The following PRKN variants were observed in gnomAD, a reference collection of about 807,000 sequenced individuals.
The protein encoded by PRKN is parkin RBR E3 ubiquitin protein ligase.
Under a neutral mutation model 59.5 loss-of-function variants are expected in PRKN, and 56 were observed. That is an observed-to-expected ratio of 0.94 (90% confidence interval 0.76 to 1.18). PRKN has a LOEUF of 1.18. Among genes scored for constraint, PRKN ranks in the 50% most tolerant of loss-of-function variants. The pLI is 0.00. For synonymous variants in PRKN, 250 were observed against 222.1 expected (o/e 1.13, Z -1.12); for missense variants, 657 against 596.4 (o/e 1.10, Z -1.06).
At chr6:162,338,261 C>A (rs1411259411) in intron 2 of PRKN, among the ~76,000 whole-genome samples, 5 of 152,140 alleles carry the variant, frequency 3.3e-5, no homozygotes, top group Non-Finnish European at 7.3e-5. Context: ...CCCTCTCCCT[C>A]TCCCTCTCCC....
chr6:161,953,589 A>G (rs1780064028), intron 6 of PRKN, among the ~76,000 whole-genome samples: 1 of 152,174 alleles, frequency 6.6e-6, no homozygotes, highest in East Asian at 1.9e-4. Flanking sequence ...TAGCAGCACA[A>G]CCACGTCCCT....
chr6:161,564,420 C>T (rs933405524), intron 8 of PRKN, among the ~76,000 whole-genome samples: 44 of 152,178 alleles, frequency 2.9e-4, no homozygotes, highest in African/African-American at 9.9e-4. Flanking sequence ...CCCTGAGACC[C>T]TTCCCCCATG....
rs958838239 is a variant in PRKN, at chr6:162,601,765, C to T, written c.7+125897G>A. ...GGAGTATATTTAAAGGGTGAATGCT[C>T]AGAAAATATTAATAAGACACCCCTA... On this transcript the variant is annotated intron_variant, in intron 1 of 11. Coordinates refer to ENST00000366898, the MANE Select transcript of PRKN (RefSeq NM_004562.3). Among the ~76,000 whole-genome samples, 15 of 152,162 alleles carry T rather than the reference C, an allele frequency of 9.9e-5. No individual in the cohort carries two copies. In the East Asian group the frequency reaches 2.7e-3, roughly 27 times the overall value.
At chr6:162,404,848 G>A (rs1340301719) in intron 2 of PRKN, among the ~76,000 whole-genome samples, 4 of 152,040 alleles carry the variant, frequency 2.6e-5, no homozygotes, top group African/African-American at 7.2e-5. Context: ...TACTGCGACC[G>A]GCCACTTCTG....
chr6:162,671,603 T>C (rs1364060512), intron 1 of PRKN, among the ~76,000 whole-genome samples: 4 of 151,738 alleles, frequency 2.6e-5, no homozygotes, highest in African/African-American at 7.3e-5. Flanking sequence ...CTTTGAAACA[T>C]TTGTGCAGTA....
At chr6:162,193,840 G>C (rs796342365) in intron 4 of PRKN, among the ~76,000 whole-genome samples, 1 of 152,126 alleles carries the variant, frequency 6.6e-6, no homozygotes, top group African/African-American at 2.4e-5. Context: ...GTGTACAACT[G>C]CCTGGAGCTG....
chr6:162,503,909 C>T (rs1325367448), intron 1 of PRKN, among the ~76,000 whole-genome samples: 1 of 152,120 alleles, frequency 6.6e-6, no homozygotes, highest in Non-Finnish European at 1.5e-5. Flanking sequence ...GTTTCAATGC[C>T]GTGCAAAAGA....
intron 2 of PRKN, among the ~76,000 whole-genome samples, chr6:162,368,614 AC>A (rs1332102644): frequency 2.0e-5 from 3 of 152,306 alleles, no homozygotes; most frequent in Middle Eastern, 6.8e-3. Flanking sequence ...GTTGGCAGTG[AC>A]AGAAATGCTT....
chr6:162,189,460 T>C (rs1437258013), intron 4 of PRKN, among the ~76,000 whole-genome samples: 3 of 150,730 alleles, frequency 2.0e-5, no homozygotes, highest in Non-Finnish European at 3.0e-5. Flanking sequence ...TATTATATCA[T>C]TCATTATCAT....
intron 1 of PRKN, among the ~76,000 whole-genome samples, chr6:162,603,055 T>G (rs1781772017): frequency 6.6e-6 from 1 of 152,126 alleles, no homozygotes; most frequent in Non-Finnish European, 1.5e-5. Flanking sequence ...CAACTTTTAG[T>G]TTTCACACAA....
intron 6 of PRKN, among the ~76,000 whole-genome samples, chr6:161,962,046 C>G (rs1390492853): frequency 6.6e-6 from 1 of 152,190 alleles, no homozygotes; most frequent in African/African-American, 2.4e-5. Flanking sequence ...AGAATGAACA[C>G]ACCACGGCCC....
intron 1 of PRKN, among the ~76,000 whole-genome samples, chr6:162,577,348 C>T (rs780834032): frequency 2.0e-5 from 3 of 149,872 alleles, no homozygotes; most frequent in Non-Finnish European, 4.4e-5. Context: ...GCCTGTAATC[C>T]CAGCACTTTG....
At chr6:162,130,444 C>G (rs1011022873) in intron 4 of PRKN, among the ~76,000 whole-genome samples, 1 of 152,096 alleles carries the variant, frequency 6.6e-6, no homozygotes, top group East Asian at 1.9e-4. Flanking sequence ...GTTTACAGAG[C>G]AGGTCCAGGT....
At position 162,472,712 on chromosome 6, in the gene PRKN, C is replaced by T. The variant is rs1383177208; in HGVS notation, c.8-29239G>A. Among the ~76,000 whole-genome samples, 21 of 123,286 alleles carry T rather than the reference C, an allele frequency of 1.7e-4. 2 individuals carry two copies. Among genetic ancestry groups the T allele is most frequent in the Admixed American group, 6.9e-4 (8 of 11,618 alleles). 80.9% of individuals were successfully genotyped at this position (123,286 alleles called of 152,430 possible). On this transcript the variant is annotated intron_variant, in intron 1 of 11. Transcript: ENST00000366898. ...TTCACCTTGTTAGCCAGGATGGTCTCGATCTCCTGACCTCATGATCCACCC... is the reference window on the plus strand; with the variant it reads ...TTCACCTTGTTAGCCAGGATGGTCTTGATCTCCTGACCTCATGATCCACCC...
chr6:161,652,080 G>C (rs1784169988), intron 7 of PRKN, among the ~76,000 whole-genome samples: 1 of 152,064 alleles, frequency 6.6e-6, no homozygotes, highest in Admixed American at 6.6e-5. Context: ...TGTTCTTTCG[G>C]CATAATCAAT....
At chr6:162,020,877 G>A (rs1783121348) in intron 5 of PRKN, among the ~76,000 whole-genome samples, 1 of 151,704 alleles carries the variant, frequency 6.6e-6, no homozygotes. Flanking sequence ...AGCCAAGGCG[G>A]GCAGACTGTG....
chr6:161,764,071 CT>C (rs1170322237), intron 7 of PRKN, among the ~76,000 whole-genome samples: 1 of 152,188 alleles, frequency 6.6e-6, no homozygotes, highest in Non-Finnish European at 1.5e-5. Context: ...ATTTGCTGGT[CT>C]CTTTCACTCT....
intron 1 of PRKN, among the ~76,000 whole-genome samples, chr6:162,541,801 A>T (rs1399097581): frequency 6.6e-6 from 1 of 152,152 alleles, no homozygotes; most frequent in African/African-American, 2.4e-5. Context: ...CCTAAGTATA[A>T]GAGTTAAAAA....
intron 5 of PRKN, among the ~76,000 whole-genome samples, chr6:162,050,476 T>TC: frequency 6.6e-6 from 1 of 151,498 alleles, no homozygotes; most frequent in East Asian, 1.9e-4. Context: ...CCCCCTCTCT[T>TC]TTTTTTTCAT....
Sources: gnomAD v4.1 joint callset for allele counts (sites outside exome capture counted in the v4.1 genomes callset) on GRCh38, gnomAD v4.1.1 for gene constraint, MANE v1.5 for transcripts, NCBI Gene and HGNC (gene_info 2026-07-23, HGNC 2026-07-21) for gene names.